JAZF1: variants seen among roughly 807,000 people sequenced by gnomAD.
JAZF1 encodes the protein JAZF zinc finger 1.
Under a neutral mutation model 26.4 loss-of-function variants are expected in JAZF1, and 8 were observed. That is an observed-to-expected ratio of 0.30 (90% CI 0.18 to 0.55). The LOEUF is 0.55. JAZF1 is among the 20% of genes least tolerant of loss of function. The pLI is 0.94. For synonymous variants in JAZF1, 126 were observed against 122.3 expected (o/e 1.03, Z -0.20); for missense variants, 199 against 322.0 (o/e 0.62, Z 2.92).
At chr7:27,891,817 A>G (rs924768397) in intron 3 of JAZF1, among the ~76,000 whole-genome samples, 3 of 152,224 alleles carry the variant, frequency 2.0e-5, no homozygotes, top group Middle Eastern at 3.2e-3. Flanking sequence ...TAGGTGATAG[A>G]GTGATACAGT....
intron 1 of JAZF1, among the ~76,000 whole-genome samples, chr7:28,024,535 A>G (rs1484410484): frequency 6.6e-6 from 1 of 152,204 alleles, no homozygotes; most frequent in Non-Finnish European, 1.5e-5. Flanking sequence ...TCCCATAATT[A>G]TCATCATTTT....
chr7:28,058,355 A>T (rs1217258573), intron 1 of JAZF1, among the ~76,000 whole-genome samples: 1 of 152,192 alleles, frequency 6.6e-6, no homozygotes, highest in Non-Finnish European at 1.5e-5. Context: ...AGATGCAGAG[A>T]GGACGAAAAT....
intron 2 of JAZF1, among the ~76,000 whole-genome samples, chr7:27,966,734 T>G (rs1275692477): frequency 6.6e-6 from 1 of 152,230 alleles, no homozygotes; most frequent in Non-Finnish European, 1.5e-5. Context: ...GTTAAAGCCT[T>G]TGAATAAACA....
chr7:27,888,170 T>C (rs916918626), intron 3 of JAZF1, among the ~76,000 whole-genome samples: 7 of 152,188 alleles, frequency 4.6e-5, no homozygotes, highest in African/African-American at 1.2e-4. Context: ...GTTGCTTAGG[T>C]ATCATGCAGA....
Position 28,001,567 on chromosome 7 carries a change from G to A in JAZF1, c.116-9586C>T, listed in dbSNP as rs144268379. Among the ~76,000 whole-genome samples the A allele has an allele frequency of 2.0e-3, 309 of 152,328 alleles. 4 individuals carry two copies. The highest frequency in any genetic ancestry group is 6.8e-3 in the Middle Eastern group (2 of 294). On this transcript the variant is annotated intron_variant, in intron 1 of 4. Coordinates refer to ENST00000283928, the MANE Select transcript of JAZF1 (RefSeq NM_175061.4). The stretch of plus-strand genomic sequence containing the variant: ...TTCAGAAAAGATGAGAAAATGATGA[G>A]TCTGAATAGAAGACAGTTTGAGCAG...
At chr7:28,174,758 G>T (rs1783522528) in intron 1 of JAZF1, among the ~76,000 whole-genome samples, 1 of 68,672 alleles carries the variant, frequency 1.5e-5, no homozygotes, top group Non-Finnish European at 5.5e-5. Flanking sequence ...TGAAAACAGA[G>T]TTTTGGAGAC....
intron 3 of JAZF1, among the ~76,000 whole-genome samples, chr7:27,852,642 T>C (rs1326248008): frequency 2.6e-5 from 4 of 152,146 alleles, no homozygotes; most frequent in African/African-American, 9.7e-5. Flanking sequence ...TCTAGAACTG[T>C]GGGGTCACTC....
intron 3 of JAZF1, among the ~76,000 whole-genome samples, chr7:27,881,470 G>A (rs1206196407): frequency 2.0e-5 from 3 of 152,090 alleles, no homozygotes; most frequent in African/African-American, 4.8e-5. Flanking sequence ...CCTTTTAATG[G>A]CAGTGAAATA....
chr7:27,928,805 G>A (rs1013336640), intron 2 of JAZF1, among the ~76,000 whole-genome samples: 8 of 152,196 alleles, frequency 5.3e-5, no homozygotes, highest in African/African-American at 1.9e-4. Flanking sequence ...AGGGTGGAAG[G>A]AGGGAGAGGA....
At chr7:28,116,443 TTC>T (rs761869528) in intron 1 of JAZF1, among the ~76,000 whole-genome samples, 1 of 152,050 alleles carries the variant, frequency 6.6e-6, no homozygotes, top group Non-Finnish European at 1.5e-5. Context: ...ATGTATTTCT[TTC>T]TCTCTCTCTC....
chr7:27,972,110 C>A (rs1583486819), intron 2 of JAZF1, among the ~76,000 whole-genome samples: 1 of 152,160 alleles, frequency 6.6e-6, no homozygotes, highest in East Asian at 1.9e-4. Flanking sequence ...CCATGGAGCC[C>A]AGATTCCTTA....
At chr7:27,989,044 C>G (rs1293530034) in intron 2 of JAZF1, among the ~76,000 whole-genome samples, 7 of 151,132 alleles carry the variant, frequency 4.6e-5, no homozygotes, top group Admixed American at 1.3e-4. Context: ...AACTATACTA[C>G]AAGGCTACAG....
chr7:27,954,170 T>A (rs138852909), intron 2 of JAZF1, among the ~76,000 whole-genome samples: 48 of 152,334 alleles, frequency 3.2e-4, no homozygotes, highest in African/African-American at 8.7e-4. Flanking sequence ...GTAGCCCAGC[T>A]CAGGGATCCA....
intron 1 of JAZF1, among the ~76,000 whole-genome samples, chr7:28,170,379 G>A (rs868572400): frequency 1.1e-4 from 14 of 130,036 alleles, no homozygotes; most frequent in East Asian, 7.9e-4. Context: ...GTGTGTGTGT[G>A]TGTGTGTGTG....
At position 27,941,376 on chromosome 7, in the gene JAZF1, G is replaced by A. The variant is rs117767852; in HGVS notation, c.189-45960C>T. Among the ~76,000 whole-genome samples the A allele has an allele frequency of 4.5e-4, 68 of 152,128 alleles. No homozygotes were observed. The East Asian group carries it at 0.012, about 28-fold the overall frequency. On this transcript the variant is annotated intron_variant, in intron 2 of 4. Coordinates refer to ENST00000283928, the MANE Select transcript of JAZF1 (RefSeq NM_175061.4). ...TATTAAAATCAAATGTTACTACTTC[G>A]CCTAATTTTCTTTCAGCCTGCAGTT...
chr7:27,941,687 A>G (rs1355318875), intron 2 of JAZF1, among the ~76,000 whole-genome samples: 1 of 152,182 alleles, frequency 6.6e-6, no homozygotes, highest in African/African-American at 2.4e-5. Flanking sequence ...TTTATTAGCA[A>G]ACTGTCAAAA....
At chr7:28,132,418 C>T (rs890067470) in intron 1 of JAZF1, among the ~76,000 whole-genome samples, 6 of 152,110 alleles carry the variant, frequency 3.9e-5, no homozygotes, top group African/African-American at 1.4e-4. Context: ...TATCAGGATA[C>T]CCATAGCTTA....
At chr7:27,882,498 C>G (rs751432556) in intron 3 of JAZF1, among the ~76,000 whole-genome samples, 1 of 152,204 alleles carries the variant, frequency 6.6e-6, no homozygotes, top group Non-Finnish European at 1.5e-5. Context: ...ATCTCTTTGT[C>G]CATGGTCCCA....
At chr7:27,906,002 C>A (rs574623393) in intron 2 of JAZF1, among the ~76,000 whole-genome samples, 2 of 152,244 alleles carry the variant, frequency 1.3e-5, no homozygotes, top group South Asian at 4.1e-4. Context: ...TCTCTAGATG[C>A]AAATTTTTAA....
Sources: gnomAD v4.1 joint callset for allele counts (sites outside exome capture counted in the v4.1 genomes callset) on GRCh38, gnomAD v4.1.1 for gene constraint, MANE v1.5 for transcripts, NCBI Gene and HGNC (gene_info 2026-07-23, HGNC 2026-07-21) for gene names.